Variants in ZFAT observed in about 807,000 individuals in gnomAD.
ZFAT encodes zinc finger and AT-hook domain containing, also known as zinc finger protein ZFAT.
In ZFAT, 64 loss-of-function variants were observed where a neutral mutation model predicts 117.7. That is an observed-to-expected ratio of 0.54 (90% CI 0.44 to 0.67). The LOEUF (loss-of-function observed/expected upper bound fraction) is 0.67, where lower values mean the gene tolerates loss of function less well. Among genes scored for constraint, ZFAT ranks in the 30% least tolerant of loss-of-function variants. The pLI is 0.00. For missense variants in ZFAT, 1,433 were observed against 1,584.5 expected, an observed-to-expected ratio of 0.90 and a Z score of 1.62; for synonymous variants, 679 against 615.0, an observed-to-expected ratio of 1.10 and a Z score of -1.54.
At chr8:134,712,669 G>T (rs1331735484) in intron 1 of ZFAT, among the ~76,000 whole-genome samples, 176 bp downstream of exon 1, 24 of 146,076 alleles carry the variant, frequency 1.6e-4, no homozygotes, top group South Asian at 2.2e-4. Context: ...CTGAACGTGA[G>T]CCGCAGAACG....
chr8:134,773,136 T>C, the ZFAT span, among the ~76,000 whole-genome samples: 1 of 151,286 alleles, frequency 6.6e-6, no homozygotes, highest in Admixed American at 6.6e-5. Context: ...AGAAAAAAGC[T>C]TCAAGGGACA....
In ZFAT at chr8:134,649,114, C is replaced by T. The variant is rs146877945; in HGVS notation, c.196+8447G>A. Among the ~76,000 whole-genome samples the T allele has an allele frequency of 5.7e-3, 855 of 150,902 alleles. 3 individuals are homozygous for T. Among genetic ancestry groups the T allele is most frequent in the Non-Finnish European group, 0.01 (695 of 67,770 alleles). ...GATTTAAAAAATAAACAACACTCAA[C>T]AAACCAAGAATAAAAAGAGCTTCCT... On this transcript the variant is annotated intron_variant, in intron 2 of 15. Transcript: ENST00000377838.
chr8:134,667,008 C>T (rs1043547523), intron 1 of ZFAT, among the ~76,000 whole-genome samples: 1 of 152,080 alleles, frequency 6.6e-6, no homozygotes, highest in African/African-American at 2.4e-5. Flanking sequence ...AAGGTGGAAA[C>T]CATCATTCTC....
At chr8:134,552,816 T>C (rs533068403) in intron 11 of ZFAT, among the ~76,000 whole-genome samples, 1 of 152,330 alleles carries the variant, frequency 6.6e-6, no homozygotes, top group South Asian at 2.1e-4. Flanking sequence ...CTGAAGAATC[T>C]CCAAAATGCA....
At chr8:134,747,237 T>C in the ZFAT span, among the ~76,000 whole-genome samples, 3 of 151,694 alleles carry the variant, frequency 2.0e-5, no homozygotes, top group Non-Finnish European at 2.9e-5. Context: ...CACAGGCACA[T>C]GCCACCACAC....
At chr8:134,507,555 C>T (rs558724141) in intron 15 of ZFAT, among the ~76,000 whole-genome samples, 1 of 152,332 alleles carries the variant, frequency 6.6e-6, no homozygotes, top group East Asian at 1.9e-4. Context: ...CTCAGAAGGG[C>T]GGCACTGTTT....
At chr8:134,693,181 C>G (rs1833667466) in intron 1 of ZFAT, among the ~76,000 whole-genome samples, 1 of 152,204 alleles carries the variant, frequency 6.6e-6, no homozygotes, top group East Asian at 1.9e-4. Flanking sequence ...ATGCCACTCT[C>G]CACTAAAAGA....
At chr8:134,808,858 A>G in the ZFAT span, among the ~76,000 whole-genome samples, 2 of 152,234 alleles carry the variant, frequency 1.3e-5, no homozygotes, top group Non-Finnish European at 2.9e-5. Context: ...TGAAGTATCC[A>G]TTTCAGATGT....
the ZFAT span, among the ~76,000 whole-genome samples, chr8:134,728,959 T>G: frequency 6.6e-6 from 1 of 152,226 alleles, no homozygotes; most frequent in Non-Finnish European, 1.5e-5. Flanking sequence ...AATATATGAC[T>G]TTTTATTTTC....
chr8:134,624,672 G>T (rs1161878898), intron 3 of ZFAT, among the ~76,000 whole-genome samples: 2 of 151,918 alleles, frequency 1.3e-5, no homozygotes, highest in African/African-American at 2.4e-5. Context: ...AAATAGGAGG[G>T]GTCCTGCTTT....
intron 1 of ZFAT, among the ~76,000 whole-genome samples, chr8:134,658,336 C>CAAA (rs1563736653): frequency 1.0e-4 from 2 of 19,902 alleles, no homozygotes; most frequent in African/African-American, 8.9e-4. Context: ...GATTCTGTCT[C>CAAA]CAAAAAAAAA....
At chr8:134,645,047 T>C (rs775028460) in intron 2 of ZFAT, among the ~76,000 whole-genome samples, 2 of 152,076 alleles carry the variant, frequency 1.3e-5, no homozygotes, top group East Asian at 1.9e-4. Flanking sequence ...CATTAGGAAA[T>C]TTCTTCTTGG....
chr8:134,601,397 C>A, intron 6 of ZFAT, 80 bp downstream of exon 6: 1 of 1,518,724 alleles, frequency 6.6e-7, no homozygotes, highest in Admixed American at 2.0e-5. Flanking sequence ...TGCAAACAGA[C>A]ATGAGCTCAA....
the ZFAT span, chr8:134,798,250 T>C: frequency 6.6e-6 from 1 of 151,978 alleles, no homozygotes; most frequent in African/African-American, 2.4e-5. Flanking sequence ...AGAAAAAAGT[T>C]CAAGTTTAAT....
chr8:134,664,673 T>C (rs1411765671), intron 1 of ZFAT, among the ~76,000 whole-genome samples: 1 of 152,212 alleles, frequency 6.6e-6, no homozygotes. Context: ...ATCCCCCAAA[T>C]ATTAAGAATT....
At chr8:134,490,914 C>G (rs868342537) in intron 15 of ZFAT, among the ~76,000 whole-genome samples, 7 of 152,178 alleles carry the variant, frequency 4.6e-5, no homozygotes, top group South Asian at 2.1e-4. Flanking sequence ...TGTCCTCCCC[C>G]TGCCTAGAGC....
intron 5 of ZFAT, among the ~76,000 whole-genome samples, chr8:134,607,056 ATAT>A (rs1323402020): frequency 1.3e-5 from 2 of 152,222 alleles, no homozygotes; most frequent in Admixed American, 6.5e-5. Flanking sequence ...GCACAATAAA[ATAT>A]TAATAGAATG....
the ZFAT span, among the ~76,000 whole-genome samples, chr8:134,787,803 T>A: frequency 2.0e-5 from 3 of 150,540 alleles, no homozygotes; most frequent in African/African-American, 7.3e-5. Context: ...TATTTAGAAT[T>A]AAAAAAAAAA....
intron 2 of ZFAT, among the ~76,000 whole-genome samples, chr8:134,649,771 T>C (rs970302305): frequency 3.3e-5 from 5 of 152,210 alleles, no homozygotes; most frequent in Non-Finnish European, 7.4e-5. Flanking sequence ...ATTGTTAAGA[T>C]GGCAGTAGTC....
Sources: allele counts gnomAD v4.1 joint callset (sites outside exome capture counted in the v4.1 genomes callset), GRCh38; gene constraint gnomAD v4.1.1; transcripts MANE v1.5; gene names NCBI Gene and HGNC (gene_info 2026-07-23, HGNC 2026-07-21).